AGMO: variants seen among roughly 807,000 people sequenced by gnomAD.
The protein encoded by AGMO is glyceryl-ether monooxygenase.
In AGMO, 75 loss-of-function variants were observed where a neutral mutation model predicts 60.2. The ratio of observed to expected loss-of-function variants is 1.25; its 90% CI spans 1.03 to 1.51. AGMO has a LOEUF of 1.51. Among genes scored for constraint, AGMO ranks in the 40% most tolerant of loss-of-function variants. The pLI is 0.00. For missense variants in AGMO, 763 were observed against 525.5 expected, an observed-to-expected ratio of 1.45 and a Z score of -4.42; for synonymous variants, 261 against 177.1, an observed-to-expected ratio of 1.47 and a Z score of -3.76.
the AGMO span, among the ~76,000 whole-genome samples, chr7:15,177,784 A>C: frequency 6.6e-6 from 1 of 152,138 alleles, no homozygotes; most frequent in Non-Finnish European, 1.5e-5. Context: ...GTAAAAATAT[A>C]TACTCTCCCT....
intron 3 of AGMO, among the ~76,000 whole-genome samples, chr7:15,463,745 A>C (rs1440461003): frequency 6.6e-6 from 1 of 152,162 alleles, no homozygotes; most frequent in Non-Finnish European, 1.5e-5. Context: ...GCAAAATTTG[A>C]GTTGAGCCTT....
intron 12 of AGMO, among the ~76,000 whole-genome samples, chr7:15,218,680 C>G (rs978375106): frequency 1.3e-5 from 2 of 151,826 alleles, no homozygotes; most frequent in Non-Finnish European, 2.9e-5. Context: ...AAGAGTTCAA[C>G]AAGACCTGTG....
intron 5 of AGMO, among the ~76,000 whole-genome samples, chr7:15,404,862 CA>C (rs1443443413): frequency 6.6e-6 from 1 of 151,854 alleles, no homozygotes; most frequent in Non-Finnish European, 1.5e-5. Context: ...CTTTAGTAAA[CA>C]AAGCAAATAC....
the AGMO span, among the ~76,000 whole-genome samples, chr7:15,139,875 T>G: frequency 6.7e-6 from 1 of 149,990 alleles, no homozygotes; most frequent in African/African-American, 2.4e-5. Context: ...TGATTCACTT[T>G]CCTGCCATTA....
chr7:15,534,269 A>G (rs1192096316), intron 3 of AGMO, among the ~76,000 whole-genome samples: 1 of 152,084 alleles, frequency 6.6e-6, no homozygotes, highest in Non-Finnish European at 1.5e-5. Context: ...ATTTTAAAAT[A>G]TAGGCAAAAT....
chr7:15,117,437 T>C, the AGMO span, among the ~76,000 whole-genome samples: 1 of 152,030 alleles, frequency 6.6e-6, no homozygotes, highest in South Asian at 2.1e-4. Context: ...TATATGACTT[T>C]GTACATTTGT....
At chr7:15,482,389 A>G (rs1285408734) in intron 3 of AGMO, among the ~76,000 whole-genome samples, 1 of 152,172 alleles carries the variant, frequency 6.6e-6, no homozygotes, top group African/African-American at 2.4e-5. Flanking sequence ...TCATGACAAT[A>G]TATTTGAAAA....
At chr7:15,314,330 A>G (rs1205172683) in intron 12 of AGMO, among the ~76,000 whole-genome samples, 2 of 152,186 alleles carry the variant, frequency 1.3e-5, no homozygotes, top group Non-Finnish European at 2.9e-5. Flanking sequence ...AAAGCTGCAG[A>G]TAAGATGGGA....
chr7:15,155,664 T>C, the AGMO span, among the ~76,000 whole-genome samples: 1,293 of 152,150 alleles, frequency 8.5e-3, 50 homozygotes, highest in Admixed American at 0.071. Flanking sequence ...TTAAAAACCA[T>C]TGCCGGGGAG....
intron 3 of AGMO, among the ~76,000 whole-genome samples, chr7:15,501,171 G>T (rs2128525291): frequency 6.6e-6 from 1 of 152,070 alleles, no homozygotes; most frequent in African/African-American, 2.4e-5. Context: ...GTGTTTGGCT[G>T]GAGCGTTCCA....
Position 15,365,790 on chromosome 7 carries a change from T to C in AGMO, c.1158-171A>G, listed in dbSNP as rs537997142. ...AACAGTGATTAAGAAAGAACACTCA[T>C]CTTTTTCGGGAAAATCTGTTCTTCA... On this transcript the variant is annotated intron_variant, in intron 11 of 12. Transcript: ENST00000342526. 7.9e-5 allele frequency among the ~76,000 whole-genome samples: 12 copies of C among 152,180 alleles called. No individual in the cohort carries two copies. The South Asian group carries it at 2.1e-3, about 26-fold the overall frequency.
chr7:15,363,476 G>A (rs972140576), intron 12 of AGMO, among the ~76,000 whole-genome samples: 6 of 152,068 alleles, frequency 3.9e-5, no homozygotes, highest in African/African-American at 1.2e-4. Context: ...TTACAGACGA[G>A]CAAAGCAAGA....
At chr7:15,534,573 T>C (rs988002146) in intron 3 of AGMO, among the ~76,000 whole-genome samples, 3 of 152,054 alleles carry the variant, frequency 2.0e-5, no homozygotes. Context: ...CTGTGACAAC[T>C]AAAACGTTCA....
intron 12 of AGMO, 134 bp downstream of exon 12, chr7:15,365,380 T>TACAAAAAAAAAAAAAAAAAAA (rs1782931356): frequency 4.8e-6 from 1 of 210,468 alleles, no homozygotes; most frequent in African/African-American, 5.9e-5. Context: ...TACTGGTAAG[T>TACAAAAAAAAAAAAAAAAAAA]AAAAAAAAAA....
intron 3 of AGMO, among the ~76,000 whole-genome samples, chr7:15,484,440 T>C (rs1008820011): frequency 4.6e-5 from 7 of 152,130 alleles, no homozygotes; most frequent in African/African-American, 1.2e-4. Context: ...GACGGAGATA[T>C]CAGGTGTGCT....
intron 12 of AGMO, among the ~76,000 whole-genome samples, chr7:15,361,550 A>AAAAAAAAAAAGAAAT (rs1782761356): frequency 6.6e-6 from 1 of 150,844 alleles, no homozygotes; most frequent in Non-Finnish European, 1.5e-5. Context: ...AAAAAAAAAA[A>AAAAAAAAAAAGAAAT]AAAAGGTTTT....
intron 3 of AGMO, among the ~76,000 whole-genome samples, chr7:15,482,551 A>G (rs1011902750): frequency 2.0e-5 from 3 of 152,176 alleles, no homozygotes; most frequent in Non-Finnish European, 4.4e-5. Flanking sequence ...ATTGTTTCAC[A>G]ACTGAATTAC....
At chr7:15,511,874 A>G (rs1246636409) in intron 3 of AGMO, among the ~76,000 whole-genome samples, 1 of 152,154 alleles carries the variant, frequency 6.6e-6, no homozygotes, top group Non-Finnish European at 1.5e-5. Flanking sequence ...ATAAAGGCAG[A>G]CAGAGAAGGC....
At position 15,542,155 on chromosome 7, in the gene AGMO, A is replaced by C. The variant is rs539562368; in HGVS notation, c.409+2617T>G. 1.4e-3 allele frequency among the ~76,000 whole-genome samples: 208 copies of C among 152,300 alleles called. 1 individual carries two copies. Among genetic ancestry groups the C allele is most frequent in the African/African-American group, 4.3e-3 (178 of 41,578 alleles). ...TATTTTACAGTATTATTTACAAATA[A>C]AATTTAAAAATTAAGCATTATGTTG... On this transcript the variant is annotated intron_variant, in intron 3 of 12. Coordinates refer to ENST00000342526, the MANE Select transcript of AGMO (RefSeq NM_001004320.2).
Sources: allele counts gnomAD v4.1 joint callset (sites outside exome capture counted in the v4.1 genomes callset), GRCh38; gene constraint gnomAD v4.1.1; transcripts MANE v1.5; gene names NCBI Gene and HGNC (gene_info 2026-07-23, HGNC 2026-07-21).